Variants in PRELID2 observed in about 807,000 individuals in gnomAD.
PRELID2 encodes PRELI domain containing 2.
PRELID2 carries 25 observed loss-of-function variants against 28.4 expected under a neutral mutation model. The observed-to-expected ratio is 0.88, with a 90% CI of 0.64 to 1.23. The LOEUF is 1.23. PRELID2 is among the 50% of genes most tolerant of loss of function. The pLI is 0.00. For missense variants in PRELID2, 201 were observed against 214.4 expected (o/e 0.94, Z 0.39); for synonymous variants, 76 against 71.6 (o/e 1.06, Z -0.31).
chr5:145,416,132 G>C, the PRELID2 span, among the ~76,000 whole-genome samples: 23 of 152,032 alleles, frequency 1.5e-4, no homozygotes, highest in African/African-American at 5.1e-4. Context: ...GGGGTTGTTT[G>C]TTTTTTTCTT....
chr5:145,487,168 C>T (rs1752225217), intron 1 of PRELID2, among the ~76,000 whole-genome samples: 1 of 149,154 alleles, frequency 6.7e-6, no homozygotes, highest in African/African-American at 2.5e-5. Flanking sequence ...GTGCAGCGCA[C>T]CAGCATGGCA....
intron 1 of PRELID2, among the ~76,000 whole-genome samples, chr5:145,668,247 G>C (rs1754635736): frequency 6.6e-6 from 1 of 151,970 alleles, no homozygotes; most frequent in Non-Finnish European, 1.5e-5. Flanking sequence ...CACAGCCAAA[G>C]AGAAGATTCT....
At chr5:145,800,603 A>C (rs1022802914) in intron 4 of PRELID2, among the ~76,000 whole-genome samples, 19 of 152,106 alleles carry the variant, frequency 1.2e-4, no homozygotes, top group African/African-American at 4.6e-4. Flanking sequence ...GATTAATAAG[A>C]GTCTCTTACA....
At chr5:145,648,894 C>T (rs1231491572) in intron 1 of PRELID2, among the ~76,000 whole-genome samples, 1 of 151,614 alleles carries the variant, frequency 6.6e-6, no homozygotes. Context: ...TAGTCCCCAA[C>T]TTAACAATGG....
chr5:145,403,750 A>T, the PRELID2 span, among the ~76,000 whole-genome samples: 2 of 152,220 alleles, frequency 1.3e-5, no homozygotes, highest in Non-Finnish European at 2.9e-5. Context: ...AGTCAGCAGG[A>T]TTGGGTACAT....
chr5:145,249,935 C>G, the PRELID2 span, among the ~76,000 whole-genome samples: 17 of 147,946 alleles, frequency 1.1e-4, no homozygotes, highest in Non-Finnish European at 1.9e-4. Flanking sequence ...CTCTCTCTCT[C>G]TGTCTCTCTC....
intron 1 of PRELID2, among the ~76,000 whole-genome samples, chr5:145,556,165 G>A (rs1453169345): frequency 1.0e-4 from 14 of 137,370 alleles, no homozygotes; most frequent in South Asian, 4.7e-4. Flanking sequence ...GCAACAGAGC[G>A]AGACTCTATC....
rs529168440 is a variant in PRELID2, at chr5:145,532,016, A to C, written n.71-58701T>G. Among the ~76,000 whole-genome samples the C allele has an allele frequency of 9.2e-5, 14 of 152,280 alleles. No homozygotes were observed. The East Asian group carries it at 2.7e-3, about 30-fold the overall frequency. ...GGAGTGTTGTAGAAATTAGATGACA[A>C]AATATATGCAAAGCAGTATAATGTC... On this transcript the variant is annotated intron_variant and non_coding_transcript_variant, in intron 1 of 2. Transcript: ENST00000510259.
At chr5:145,263,944 G>T in the PRELID2 span, among the ~76,000 whole-genome samples, 45 of 151,308 alleles carry the variant, frequency 3.0e-4, 1 homozygote, top group African/African-American at 1.0e-3. Context: ...AGCCTGGAGT[G>T]CAGTAGCATG....
chr5:145,730,882 G>C (rs1197193392), intron 1 of PRELID2, among the ~76,000 whole-genome samples: 1 of 151,950 alleles, frequency 6.6e-6, no homozygotes, highest in Non-Finnish European at 1.5e-5. Context: ...TGGCCGGAAA[G>C]ATGCCTGCCC....
the PRELID2 span, among the ~76,000 whole-genome samples, chr5:145,433,457 G>T: frequency 6.6e-6 from 1 of 152,160 alleles, no homozygotes; most frequent in Non-Finnish European, 1.5e-5. Flanking sequence ...AAACTGGAAG[G>T]CAGGAGGAGA....
intron 4 of PRELID2, among the ~76,000 whole-genome samples, chr5:145,799,582 G>A (rs975308141): frequency 2.0e-5 from 3 of 152,158 alleles, no homozygotes; most frequent in Non-Finnish European, 4.4e-5. Flanking sequence ...CCCAGGTAAG[G>A]AGGCGTGAAG....
chr5:145,276,457 C>T, the PRELID2 span, among the ~76,000 whole-genome samples: 1 of 152,136 alleles, frequency 6.6e-6, no homozygotes, highest in Non-Finnish European at 1.5e-5. Context: ...AAGAATGGGT[C>T]TAAAGGAAAA....
chr5:145,677,345 G>T (rs1754841173), intron 1 of PRELID2, among the ~76,000 whole-genome samples: 1 of 151,922 alleles, frequency 6.6e-6, no homozygotes, highest in Non-Finnish European at 1.5e-5. Context: ...AGTAGAGACA[G>T]GGTTTCACCA....
the PRELID2 span, among the ~76,000 whole-genome samples, chr5:145,233,625 G>A: frequency 2.6e-5 from 4 of 152,174 alleles, no homozygotes; most frequent in African/African-American, 7.2e-5. Flanking sequence ...TAAAAAGGTC[G>A]GAAATGCTGA....
At chr5:145,788,484 G>A (rs887905880) in intron 5 of PRELID2, among the ~76,000 whole-genome samples, 1 of 152,108 alleles carries the variant, frequency 6.6e-6, no homozygotes, top group Non-Finnish European at 1.5e-5. Flanking sequence ...ACACTGTATG[G>A]CACACCCACC....
At chr5:145,430,098 A>T in the PRELID2 span, among the ~76,000 whole-genome samples, 6 of 152,230 alleles carry the variant, frequency 3.9e-5, no homozygotes, top group Non-Finnish European at 1.5e-5. Flanking sequence ...TGCCACTAAC[A>T]TGTGGAGTGG....
the PRELID2 span, among the ~76,000 whole-genome samples, chr5:145,330,380 T>C: frequency 2.0e-5 from 3 of 152,196 alleles, no homozygotes; most frequent in Admixed American, 2.0e-4. Flanking sequence ...CTAGTAAAAT[T>C]CGGCTGTGAA....
chr5:145,706,561 G>A (rs889295694), intron 1 of PRELID2, among the ~76,000 whole-genome samples: 4 of 152,094 alleles, frequency 2.6e-5, no homozygotes, highest in South Asian at 2.1e-4. Context: ...AACTTCATAG[G>A]GGAAATACAA....
Sources: allele counts gnomAD v4.1 joint callset (sites outside exome capture counted in the v4.1 genomes callset), GRCh38; gene constraint gnomAD v4.1.1; transcripts MANE v1.5; gene names NCBI Gene and HGNC (gene_info 2026-07-23, HGNC 2026-07-21).